The following LIN52 variants were observed in gnomAD, a reference collection of about 807,000 sequenced individuals.
LIN52 encodes the protein lin-52 DREAM MuvB core complex component.
Under a neutral mutation model 18.5 loss-of-function variants are expected in LIN52, and 4 were observed. The observed-to-expected ratio is 0.22, with a 90% CI of 0.11 to 0.49. LIN52 has a LOEUF of 0.49. Ranked by LOEUF, LIN52 falls within the 20% of genes least tolerant of loss-of-function variation. The probability of loss-of-function intolerance (pLI) is 0.97; values close to 1 mark genes in which losing one functional copy is unlikely to be tolerated. For missense variants in LIN52, 102 were observed against 139.5 expected (o/e 0.73, Z 1.35); for synonymous variants, 34 against 45.5 (o/e 0.75, Z 1.02).
intron 5 of LIN52, among the ~76,000 whole-genome samples, chr14:74,102,421 G>T (rs1156898488): frequency 2.6e-5 from 4 of 152,296 alleles, no homozygotes; most frequent in Non-Finnish European, 5.9e-5. Flanking sequence ...ACTGCTTCAA[G>T]ATATGGTTGT....
intron 5 of LIN52, among the ~76,000 whole-genome samples, chr14:74,159,786 G>T (rs1320675327): frequency 6.6e-6 from 1 of 152,076 alleles, no homozygotes; most frequent in Non-Finnish European, 1.5e-5. Flanking sequence ...TGGCCAGGCT[G>T]GTCTCGAACT....
At chr14:74,169,596 A>G (rs1229567017) in intron 5 of LIN52, among the ~76,000 whole-genome samples, 2 of 152,226 alleles carry the variant, frequency 1.3e-5, no homozygotes, top group African/African-American at 4.8e-5. Context: ...CTTAATTTAT[A>G]GCCACAGTTG....
chr14:74,095,500 C>T (rs1169813228), intron 2 of LIN52, among the ~76,000 whole-genome samples: 1 of 152,082 alleles, frequency 6.6e-6, no homozygotes, highest in African/African-American at 2.4e-5. Flanking sequence ...TCAAGGGATC[C>T]TCCTGCCTTG....
chr14:74,131,443 C>T lies in LIN52; in HGVS notation c.283+30205C>T, dbSNP rs10139269. Among the ~76,000 whole-genome samples, 559 of 151,024 alleles carry T rather than the reference C, an allele frequency of 3.7e-3. 2 individuals carry two copies. The highest frequency in any genetic ancestry group is 0.024 in the Middle Eastern group (7 of 294). ...AAGCGATTCTCCTGCCTCAGCCTCC[C>T]GAGTAGCTGGGATTGCAGGCGCCTG... On this transcript the variant is annotated intron_variant, in intron 5 of 5. Coordinates refer to ENST00000555028, the MANE Select transcript of LIN52 (RefSeq NM_001024674.3).
intron 5 of LIN52, among the ~76,000 whole-genome samples, chr14:74,102,038 G>T (rs2060860958): frequency 6.6e-6 from 1 of 152,128 alleles, no homozygotes; most frequent in Non-Finnish European, 1.5e-5. Context: ...GCCTTCCAAA[G>T]TGCTGGGATT....
At chr14:74,172,176 T>C (rs575559676) in intron 5 of LIN52, among the ~76,000 whole-genome samples, 99 of 152,366 alleles carry the variant, frequency 6.5e-4, no homozygotes, top group Non-Finnish European at 1.2e-3. Flanking sequence ...TACATTCTTC[T>C]GTTACAGCAC....
chr14:74,147,225 T>C lies in LIN52; in HGVS notation c.283+45987T>C, dbSNP rs529631532. Among the ~76,000 whole-genome samples, 110 of 152,218 alleles carry C rather than the reference T, an allele frequency of 7.2e-4. 1 individual carries two copies. Among genetic ancestry groups the C allele is most frequent in the African/African-American group, 2.5e-3 (105 of 41,560 alleles). On this transcript the variant is annotated intron_variant, in intron 5 of 5. Coordinates refer to ENST00000555028, the MANE Select transcript of LIN52 (RefSeq NM_001024674.3). ...GTGACCCGAGATCGCACCATTGCATTCCAACCTGGGCAGTAAGAGCGAAAC... is the reference window on the plus strand; with the variant it reads ...GTGACCCGAGATCGCACCATTGCATCCCAACCTGGGCAGTAAGAGCGAAAC...
intron 5 of LIN52, among the ~76,000 whole-genome samples, chr14:74,107,827 C>T (rs886388123): frequency 2.6e-5 from 4 of 152,114 alleles, no homozygotes; most frequent in Admixed American, 1.3e-4. Context: ...CCTTGGGACC[C>T]TGATACATTT....
intron 5 of LIN52, among the ~76,000 whole-genome samples, chr14:74,169,795 TCAAAGATAAAA>T (rs1438715744): frequency 6.6e-6 from 1 of 152,210 alleles, no homozygotes; most frequent in Non-Finnish European, 1.5e-5. Flanking sequence ...TTCTAGGATC[TCAAAGATAAAA>T]CATCTGTGAG....
At chr14:74,192,581 C>A in intron 5 of LIN52, 1 of 197,012 alleles carries the variant, frequency 5.1e-6, no homozygotes, top group Non-Finnish European at 1.0e-5. Context: ...AGCCACCATG[C>A]CCAGCCAACA....
At chr14:74,150,788 G>C (rs1309419002) in intron 5 of LIN52, among the ~76,000 whole-genome samples, 1 of 152,180 alleles carries the variant, frequency 6.6e-6, no homozygotes, top group African/African-American at 2.4e-5. Context: ...TTTCTGGTTT[G>C]ATATGGGAAG....
intron 5 of LIN52, among the ~76,000 whole-genome samples, chr14:74,119,953 A>C (rs768920904): frequency 3.2e-4 from 48 of 151,426 alleles, no homozygotes; most frequent in Non-Finnish European, 6.5e-4. Context: ...CTCCTGCCTC[A>C]GCCTCCCAAG....
At chr14:74,107,461 T>C (rs763546250) in intron 5 of LIN52, among the ~76,000 whole-genome samples, 2 of 152,204 alleles carry the variant, frequency 1.3e-5, no homozygotes, top group Non-Finnish European at 2.9e-5. Context: ...CGGTAAGCTG[T>C]CCTTCTATCA....
intron 3 of LIN52, among the ~76,000 whole-genome samples, chr14:74,096,433 T>G (rs2060813206): frequency 6.6e-6 from 1 of 152,074 alleles, no homozygotes; most frequent in South Asian, 2.1e-4. Flanking sequence ...GTTCAAGTGA[T>G]CCTCCTGCTC....
At chr14:74,182,080 G>A (rs1289174395) in intron 5 of LIN52, among the ~76,000 whole-genome samples, 2 of 152,074 alleles carry the variant, frequency 1.3e-5, no homozygotes, top group South Asian at 2.1e-4. Flanking sequence ...GCGCAATCTC[G>A]GCTCACTGCA....
intron 1 of LIN52, among the ~76,000 whole-genome samples, chr14:74,089,876 A>G (rs2060761100): frequency 6.6e-6 from 1 of 152,140 alleles, no homozygotes; most frequent in African/African-American, 2.4e-5. Context: ...TGTGCACTCA[A>G]TCCTCTTATG....
At chr14:74,100,295 G>T (rs1467229728) in intron 4 of LIN52, among the ~76,000 whole-genome samples, 2 of 151,968 alleles carry the variant, frequency 1.3e-5, no homozygotes, top group Non-Finnish European at 2.9e-5. Context: ...CACTTAATTT[G>T]TTACTTTATT....
At chr14:74,124,355 TA>T (rs1342658178) in intron 5 of LIN52, among the ~76,000 whole-genome samples, 3 of 152,228 alleles carry the variant, frequency 2.0e-5, no homozygotes. Context: ...TGAATATGAA[TA>T]AATACTGTAA....
intron 5 of LIN52, among the ~76,000 whole-genome samples, chr14:74,145,350 C>A (rs574436832): frequency 6.6e-6 from 1 of 152,172 alleles, no homozygotes; most frequent in Admixed American, 6.5e-5. Context: ...AACCTCTTGC[C>A]TCTCCAGTAT....
Sources: allele counts gnomAD v4.1 joint callset (sites outside exome capture counted in the v4.1 genomes callset), GRCh38; gene constraint gnomAD v4.1.1; transcripts MANE v1.5; gene names NCBI Gene and HGNC (gene_info 2026-07-23, HGNC 2026-07-21).